ANKS1B: variants seen among roughly 807,000 people sequenced by gnomAD.
ANKS1B encodes the protein ankyrin repeat and sterile alpha motif domain-containing protein 1B.
A neutral mutation model predicts 148.3 loss-of-function variants in ANKS1B; 36 were observed. The observed-to-expected ratio is 0.24, with a 90% CI of 0.19 to 0.32. The LOEUF (loss-of-function observed/expected upper bound fraction) is 0.32, where lower values mean the gene tolerates loss of function less well. Ranked by LOEUF, ANKS1B falls within the 10% of genes least tolerant of loss-of-function variation. The pLI is 1.00. For synonymous variants in ANKS1B, 542 were observed against 560.8 expected, an observed-to-expected ratio of 0.97 and a Z score of 0.47; for missense variants, 1,157 against 1,542.6, an observed-to-expected ratio of 0.75 and a Z score of 4.19.
At chr12:99,796,904 T>C (rs2066323750) in intron 4 of ANKS1B, among the ~76,000 whole-genome samples, 1 of 151,908 alleles carries the variant, frequency 6.6e-6, no homozygotes, top group Non-Finnish European at 1.5e-5. Flanking sequence ...AATTCTTCAA[T>C]AAAAACAGAA....
chr12:98,786,192 T>C (rs1448442544), intron 22 of ANKS1B, among the ~76,000 whole-genome samples: 2 of 152,234 alleles, frequency 1.3e-5, no homozygotes, highest in Non-Finnish European at 2.9e-5. Flanking sequence ...ATTAAGAGGA[T>C]CATACTTTTA....
intron 9 of ANKS1B, among the ~76,000 whole-genome samples, chr12:99,654,753 T>C (rs2098441830): frequency 6.6e-6 from 1 of 152,132 alleles, no homozygotes; most frequent in Non-Finnish European, 1.5e-5. Context: ...TTTTACTTTT[T>C]AAAAATAGCA....
At chr12:99,260,514 T>C (rs80282581) in intron 12 of ANKS1B, among the ~76,000 whole-genome samples, 2,097 of 152,280 alleles carry the variant, frequency 0.014, 52 homozygotes, top group African/African-American at 0.048. Flanking sequence ...AAAAGTGTAA[T>C]ACTATTAACA....
At chr12:99,051,559 G>T (rs1217266810) in intron 17 of ANKS1B, among the ~76,000 whole-genome samples, 1 of 152,182 alleles carries the variant, frequency 6.6e-6, no homozygotes, top group Admixed American at 6.5e-5. Flanking sequence ...TCAAGTTCTT[G>T]ACAGAGAATT....
intron 22 of ANKS1B, among the ~76,000 whole-genome samples, chr12:98,796,413 T>C (rs558409569): frequency 6.6e-5 from 10 of 152,326 alleles, no homozygotes; most frequent in Admixed American, 6.5e-4. Context: ...GAGTTTTGAT[T>C]GAACTGGGAC....
intron 14 of ANKS1B, among the ~76,000 whole-genome samples, chr12:99,166,607 T>C (rs747381941): frequency 6.6e-6 from 1 of 152,020 alleles, no homozygotes; most frequent in African/African-American, 2.4e-5. Context: ...GGAAAAATCA[T>C]ACAGGACCTA....
At chr12:98,739,535 T>C (rs1486916514), downstream of ANKS1B, among the ~76,000 whole-genome samples, 4 of 152,242 alleles carry the variant, frequency 2.6e-5, 1 homozygote, top group East Asian at 5.8e-4. Context: ...TTGCCTTCCC[T>C]TTGGGGAAGC....
chr12:99,768,012 T>C (rs1267074845), intron 8 of ANKS1B, among the ~76,000 whole-genome samples: 2 of 152,096 alleles, frequency 1.3e-5, no homozygotes, highest in East Asian at 1.9e-4. Flanking sequence ...GTGCCCTCTA[T>C]TGGAAGAAAA....
chr12:98,806,451 A>ATTTT (rs2099051550), intron 20 of ANKS1B, among the ~76,000 whole-genome samples: 2 of 152,236 alleles, frequency 1.3e-5, no homozygotes, highest in East Asian at 3.8e-4. Flanking sequence ...ACACTTAATG[A>ATTTT]AAAACTAAAA....
intron 4 of ANKS1B, among the ~76,000 whole-genome samples, chr12:99,789,917 T>C (rs2065442875): frequency 6.6e-6 from 1 of 151,210 alleles, no homozygotes; most frequent in Admixed American, 6.6e-5. Flanking sequence ...AAAGAGGAGG[T>C]TGAGAAATAG....
At chr12:99,756,344 A>G (rs971220245) in intron 8 of ANKS1B, among the ~76,000 whole-genome samples, 13 of 152,118 alleles carry the variant, frequency 8.5e-5, no homozygotes, top group African/African-American at 2.9e-4. Flanking sequence ...AATAGCCACA[A>G]AAAGAATAAA....
At chr12:99,208,252 A>G (rs958670797) in intron 14 of ANKS1B, among the ~76,000 whole-genome samples, 15 of 152,094 alleles carry the variant, frequency 9.9e-5, no homozygotes, top group African/African-American at 3.6e-4. Context: ...CAACTAGGTA[A>G]CTTACTGTAT....
chr12:99,161,431 A>G (rs560006761), intron 14 of ANKS1B, among the ~76,000 whole-genome samples: 1 of 152,240 alleles, frequency 6.6e-6, no homozygotes, highest in East Asian at 1.9e-4. Flanking sequence ...CGGGAGGCTG[A>G]GATGGGAGGA....
At position 99,080,628 on chromosome 12, in the gene ANKS1B, G is replaced by A. The variant is rs11109718; in HGVS notation, c.2625+4297C>T. On this transcript the variant is annotated intron_variant, in intron 16 of 26. Coordinates refer to ENST00000683438, the MANE Select transcript of ANKS1B (RefSeq NM_001352186.2). The stretch of plus-strand genomic sequence containing the variant: ...CAAACCTTTAAAATGAAAATCCTTT[G>A]AATGCCTGACCTTCAGGTGTTATAT... Among the ~76,000 whole-genome samples the A allele has an allele frequency of 6.4e-3, 977 of 152,276 alleles. 14 individuals carry two copies. Among genetic ancestry groups the A allele is most frequent in the African/African-American group, 0.023 (945 of 41,552 alleles).
intron 9 of ANKS1B, among the ~76,000 whole-genome samples, chr12:99,547,428 A>G (rs1318395681): frequency 6.6e-6 from 1 of 152,148 alleles, no homozygotes; most frequent in African/African-American, 2.4e-5. Context: ...AACAGGAGGA[A>G]TATAGGAACT....
At chr12:99,473,059 T>C (rs2096266125) in intron 10 of ANKS1B, among the ~76,000 whole-genome samples, 1 of 152,062 alleles carries the variant, frequency 6.6e-6, no homozygotes, top group African/African-American at 2.4e-5. Flanking sequence ...TTATATCCTG[T>C]CACAAACCTA....
intron 9 of ANKS1B, among the ~76,000 whole-genome samples, chr12:99,614,525 G>A (rs1192131774): frequency 1.3e-5 from 2 of 151,142 alleles, no homozygotes; most frequent in African/African-American, 4.9e-5. Flanking sequence ...AGGAGTTAAT[G>A]TAGGTCCTGG....
chr12:99,759,318 T>C lies in ANKS1B; in HGVS notation c.1128+13604A>G, dbSNP rs138603152. 2.1e-3 allele frequency among the ~76,000 whole-genome samples: 313 copies of C among 152,052 alleles called. 5 individuals are homozygous for C. Among genetic ancestry groups the C allele is most frequent in the African/African-American group, 5.9e-3 (245 of 41,550 alleles). The stretch of plus-strand genomic sequence containing the variant: ...AGCCTGAGATTGAAGCAGGCCACAC[T>C]GTATCTTTTACTTACGATTATTGAT... On this transcript the variant is annotated intron_variant, in intron 8 of 26. Coordinates refer to ENST00000683438, the MANE Select transcript of ANKS1B (RefSeq NM_001352186.2).
At chr12:99,510,395 GATGAAGTCAACATCAATGAGTCTA>G (rs1229350808) in intron 9 of ANKS1B, among the ~76,000 whole-genome samples, 1 of 151,962 alleles carries the variant, frequency 6.6e-6, no homozygotes, top group African/African-American at 2.4e-5. Context: ...TGATTCATCA[GATGAAGTCAACATCAATGAGTCTA>G]GATGAAGTTG....
Sources: allele counts gnomAD v4.1 joint callset (sites outside exome capture counted in the v4.1 genomes callset), GRCh38; gene constraint gnomAD v4.1.1; transcripts MANE v1.5; gene names NCBI Gene and HGNC (gene_info 2026-07-23, HGNC 2026-07-21).